E2F6: variants seen among roughly 807,000 people sequenced by gnomAD.
E2F6 encodes transcription factor E2F6.
Under a neutral mutation model 31.5 loss-of-function variants are expected in E2F6, and 19 were observed. That is an observed-to-expected ratio of 0.60 (90% confidence interval 0.42 to 0.89). The LOEUF is 0.89. E2F6 is among the 40% of genes least tolerant of loss of function. The probability of loss-of-function intolerance (pLI) is 0.00; values close to 1 mark genes in which losing one functional copy is unlikely to be tolerated. For missense variants in E2F6, 269 were observed against 341.6 expected (o/e 0.79, Z 1.67); for synonymous variants, 121 against 127.7 (o/e 0.95, Z 0.36).
In E2F6 at chr2:11,444,682, C is replaced by A. The variant is rs1189258483; in HGVS notation, c.*1795G>T. 1.3e-5 allele frequency: 2 copies of A among 150,564 alleles called. No homozygotes were observed. Among genetic ancestry groups the A allele is most frequent in the Admixed American group, 6.6e-5 (1 of 15,064 alleles). The allele number at this position is 150,564 out of a possible 1,614,324, so 9.3% of individuals were successfully genotyped here. A position where few individuals can be genotyped will look rare whatever the true frequency, so the allele number is the denominator to read the frequency against. On this transcript the variant is annotated 3_prime_UTR_variant, in exon 7 of 7. Transcript: ENST00000381525. ...TACTCTTTAGATGACCTCTCCTACT[C>A]TTGTGGCTTAAACTATCGCATCTAA...
chr2:11,459,848 C>CAAA (rs1671657555), intron 1 of E2F6, among the ~76,000 whole-genome samples: 1 of 151,832 alleles, frequency 6.6e-6, no homozygotes, highest in Non-Finnish European at 1.5e-5. Context: ...CGTGCCATTG[C>CAAA]ACTCCAGCCC....
In E2F6 at chr2:11,444,742, C is replaced by A. The variant is rs1383741538; in HGVS notation, c.*1735G>T. On this transcript the variant is annotated 3_prime_UTR_variant, in exon 7 of 7. Coordinates refer to ENST00000381525, the MANE Select transcript of E2F6 (RefSeq NM_198256.4). Reference sequence around the variant, plus strand: ...TGCCTGACGTACTACACAGCTCAGACTTTTCCGCTGAGCACCTGACCTACA... The same window carrying A: ...TGCCTGACGTACTACACAGCTCAGAATTTTCCGCTGAGCACCTGACCTACA... 6.6e-6 allele frequency: 1 copy of A among 152,346 alleles called. No homozygotes were observed. Among genetic ancestry groups the A allele is most frequent in the South Asian group, 2.1e-4 (1 of 4,828 alleles). 9.4% of individuals were successfully genotyped at this position (152,346 alleles called of 1,614,324 possible).
rs974500125 is a variant in E2F6 at position 11,466,109 on chromosome 2, C to T, written c.-230G>A. 12 of 491,062 alleles carry T rather than the reference C, an allele frequency of 2.4e-5. No individual in the cohort carries two copies. The East Asian group carries it at 3.0e-4, about 12-fold the overall frequency. 30.4% of individuals were successfully genotyped at this position (491,062 alleles called of 1,614,324 possible). A position where few individuals can be genotyped will look rare whatever the true frequency, so the allele number is the denominator to read the frequency against. The stretch of plus-strand genomic sequence containing the variant: ...CGCAGACGGAAAAAGAGGAGGGAGA[C>T]CCGCGGATCTCAAGTCGCCCGGCCC... On this transcript the variant is annotated 5_prime_UTR_variant, in exon 1 of 7. Transcript: ENST00000381525.
intron 1 of E2F6, among the ~76,000 whole-genome samples, chr2:11,465,475 T>A (rs151228342): frequency 6.6e-6 from 1 of 152,150 alleles, no homozygotes; most frequent in African/African-American, 2.4e-5. Context: ...GTTGCAGAGA[T>A]ACAGCTAGAG....
chr2:11,463,331 C>G (rs1035731061), intron 1 of E2F6, among the ~76,000 whole-genome samples: 1 of 152,144 alleles, frequency 6.6e-6, no homozygotes. Context: ...CCTAATTCCC[C>G]CGAAGGAGTA....
chr2:11,464,207 A>C (rs1671979220), intron 1 of E2F6, among the ~76,000 whole-genome samples: 1 of 152,046 alleles, frequency 6.6e-6, no homozygotes, highest in Admixed American at 6.6e-5. Flanking sequence ...TGGTAATAAG[A>C]GGCCATCAAG....
chr2:11,464,375 T>G (rs745876443), intron 1 of E2F6, among the ~76,000 whole-genome samples: 2 of 151,376 alleles, frequency 1.3e-5, no homozygotes, highest in Non-Finnish European at 2.9e-5. Context: ...AAATTAGCCG[T>G]GCGTGGTGGC....
chr2:11,448,370 A>C (rs992982833), intron 5 of E2F6, among the ~76,000 whole-genome samples: 2 of 148,476 alleles, frequency 1.3e-5, no homozygotes, highest in Admixed American at 1.3e-4. Flanking sequence ...ATTCTTAAGG[A>C]ACAGCCCCAG....
chr2:11,459,109 A>T (rs1183898429), intron 1 of E2F6, among the ~76,000 whole-genome samples: 8 of 152,128 alleles, frequency 5.3e-5, no homozygotes, highest in Non-Finnish European at 8.8e-5. Flanking sequence ...AAAAAAAAAA[A>T]TCCATCCTTA....
intron 1 of E2F6, among the ~76,000 whole-genome samples, chr2:11,463,459 G>A (rs897378989): frequency 1.3e-5 from 2 of 152,094 alleles, no homozygotes; most frequent in Non-Finnish European, 2.9e-5. Context: ...AACTGTTTAC[G>A]GTATCAGTAA....
intron 4 of E2F6, chr2:11,451,259 A>G (rs1671044053): frequency 1.2e-5 from 2 of 160,080 alleles, no homozygotes; most frequent in African/African-American, 2.4e-5. Flanking sequence ...GTCATCATCC[A>G]GAATTTAATC....
chr2:11,447,275 C>T (rs926651131), intron 6 of E2F6, among the ~76,000 whole-genome samples: 1 of 152,142 alleles, frequency 6.6e-6, no homozygotes, highest in Non-Finnish European at 1.5e-5. Context: ...AGGTCTAGCC[C>T]CTTCCCTTCT....
intron 3 of E2F6, 113 bp from the exon 4 acceptor site, chr2:11,451,919 A>G (rs1671095319): frequency 2.0e-6 from 2 of 1,011,370 alleles, no homozygotes; most frequent in Non-Finnish European, 1.5e-6. Flanking sequence ...TTCCACAACA[A>G]TAGAAACTAG....
Position 11,445,173 on chromosome 2 carries a change from C to A in E2F6, c.*1304G>T, listed in dbSNP as rs569233176. ...GATTTTAAATCTTTTTAAACACAGT[C>A]TGAATTTGAAGTCGCTTCAAATATT... is the stretch of plus-strand genomic sequence containing the variant. On this transcript the variant is annotated 3_prime_UTR_variant, in exon 7 of 7. Coordinates refer to ENST00000381525, the MANE Select transcript of E2F6 (RefSeq NM_198256.4). 6 of 152,306 alleles carry A rather than the reference C, an allele frequency of 3.9e-5. No homozygotes were observed. In the East Asian group the frequency reaches 7.7e-4, roughly 20 times the overall value. The allele number at this position is 152,306 out of a possible 1,614,324, so 9.4% of individuals were successfully genotyped here.
chr2:11,465,788 T>G lies in E2F6; in HGVS notation c.92A>C (p.Asn31Thr), dbSNP rs141179047. 115 of 1,599,632 alleles carry G rather than the reference T, an allele frequency of 7.2e-5. No homozygotes were observed. In the African/African-American group the frequency reaches 1.3e-3, roughly 18 times the overall value. Residue 31 changes from asparagine to threonine, a missense_variant, in exon 1 of 7, where the codon AAC becomes ACC. Physicochemically the swap from Asn to Thr is moderately conservative, Grantham distance 65. Coordinates refer to ENST00000381525, the MANE Select transcript of E2F6 (RefSeq NM_198256.4). ...TVRRRCRDPI[N>T]VEGLLPSKIR... ...GGAGCTTACCAGCAGGCCCTCCACG[T>G]TGATGGGGTCTCGGCACCGACGGCG... is the stretch of plus-strand genomic sequence containing the variant.
At chr2:11,453,930 C>T (rs1366489115) in intron 2 of E2F6, 132 bp from the exon 3 acceptor site, 6 of 774,002 alleles carry the variant, frequency 7.8e-6, no homozygotes, top group Non-Finnish European at 1.2e-5. Context: ...CAAATCAAAG[C>T]TGGTTTCTAT....
intron 2 of E2F6, among the ~76,000 whole-genome samples, chr2:11,454,963 A>T (rs2148347704): frequency 6.6e-6 from 1 of 152,338 alleles, no homozygotes; most frequent in African/African-American, 2.4e-5. Flanking sequence ...TATTTATCCC[A>T]ATATTAGAAA....
chr2:11,458,611 T>C lies in E2F6; in HGVS notation c.109-1378A>G, dbSNP rs79572931. 7.2e-4 allele frequency among the ~76,000 whole-genome samples: 110 copies of C among 152,292 alleles called. No individual in the cohort carries two copies. In the East Asian group the frequency reaches 0.018, roughly 26 times the overall value. ...TAATTAAGTAAATGGTTTAGAAATA[T>C]AAGTATGGCAGCAATATGGCAAAAG... On this transcript the variant is annotated intron_variant, in intron 1 of 6. Coordinates refer to ENST00000381525, the MANE Select transcript of E2F6 (RefSeq NM_198256.4).
intron 6 of E2F6, 121 bp from the exon 7 acceptor site, chr2:11,446,644 T>A: frequency 1.3e-6 from 1 of 773,264 alleles, no homozygotes; most frequent in Non-Finnish European, 2.2e-6. Flanking sequence ...AGATGCCTGG[T>A]CAAGAACACG....
Sources: gnomAD v4.1 joint callset for allele counts (sites outside exome capture counted in the v4.1 genomes callset) on GRCh38, gnomAD v4.1.1 for gene constraint, MANE v1.5 for transcripts, NCBI Gene and HGNC (gene_info 2026-07-23, HGNC 2026-07-21) for gene names.